The following CCNY variants were observed in gnomAD, a reference collection of about 807,000 sequenced individuals.
CCNY encodes the protein cyclin-Y.
Under a neutral mutation model 42.8 loss-of-function variants are expected in CCNY, and 19 were observed. The ratio of observed to expected loss-of-function variants is 0.44; its 90% CI spans 0.31 to 0.65. The LOEUF is 0.65. Ranked by LOEUF, CCNY falls within the 30% of genes least tolerant of loss-of-function variation. The pLI is 0.07. For missense variants in CCNY, 370 were observed against 437.3 expected (o/e 0.85, Z 1.37); for synonymous variants, 165 against 162.7 (o/e 1.01, Z -0.11).
At chr10:35,316,897 G>A (rs1835766613) in intron 3 of CCNY, among the ~76,000 whole-genome samples, 2 of 152,196 alleles carry the variant, frequency 1.3e-5, no homozygotes. Context: ...CCAGGCTGGA[G>A]TGCAGTGGTG....
chr10:35,477,774 GA>G (rs1209764411), intron 1 of CCNY, among the ~76,000 whole-genome samples: 2 of 152,150 alleles, frequency 1.3e-5, no homozygotes, highest in African/African-American at 2.4e-5. Context: ...CATAGTGTTG[GA>G]AGTTCTGGCC....
chr10:35,569,234 A>C lies in CCNY; in HGVS notation c.*64A>C. 9.8e-7 allele frequency: 1 copy of C among 1,015,520 alleles called. No homozygotes were observed. The highest frequency in any genetic ancestry group is 1.5e-6 in the Non-Finnish European group (1 of 648,994). The allele number at this position is 1,015,520 out of a possible 1,614,324, so 62.9% of individuals were successfully genotyped here. Reference sequence around the variant, plus strand: ...TCTCCTTTAGTTTGAGAAAAGACAGACTTGGGGTGGGTTTGTTTTTGTTTT... The same window carrying C: ...TCTCCTTTAGTTTGAGAAAAGACAGCCTTGGGGTGGGTTTGTTTTTGTTTT... On this transcript the variant is annotated 3_prime_UTR_variant, in exon 10 of 10. Transcript: ENST00000374704.
intron 1 of CCNY, among the ~76,000 whole-genome samples, chr10:35,383,366 GGC>G (rs1020574462): frequency 6.6e-6 from 1 of 151,700 alleles, no homozygotes; most frequent in African/African-American, 2.4e-5. Context: ...GGAGTGCAGT[GGC>G]ACAATCTCGG....
At chr10:35,300,966 G>C (rs886600776) in intron 3 of CCNY, among the ~76,000 whole-genome samples, 1 of 152,012 alleles carries the variant, frequency 6.6e-6, no homozygotes, top group African/African-American at 2.4e-5. Context: ...CACCATGCCT[G>C]GCTAATTTGT....
chr10:35,281,230 C>T (rs1835295896), intron 3 of CCNY, among the ~76,000 whole-genome samples: 1 of 152,142 alleles, frequency 6.6e-6, no homozygotes, highest in Non-Finnish European at 1.5e-5. Flanking sequence ...CCTAGGTATG[C>T]ACCCAAAAGA....
At chr10:35,498,124 T>C (rs983247649) in intron 2 of CCNY, among the ~76,000 whole-genome samples, 23 of 152,136 alleles carry the variant, frequency 1.5e-4, no homozygotes, top group Admixed American at 6.5e-4. Context: ...TATCCCCCCA[T>C]TCACAAATGA....
chr10:35,465,938 A>AGAGAGAGAGAGAGAGAGAGAGTGTGT lies in CCNY; in HGVS notation c.155-17465_155-17464insAGAGAGAGAGAGAGAGAGAGTGTGTG. 5.6e-3 allele frequency among the ~76,000 whole-genome samples: 450 copies of AGAGAGAGAGAGAGAGAGAGAGTGTGT among 80,642 alleles called. 3 individuals carry two copies. The highest frequency in any genetic ancestry group is 7.3e-3 in the Non-Finnish European group (276 of 37,582). The allele number at this position is 80,642 out of a possible 152,430, so 52.9% of individuals were successfully genotyped here. On this transcript the variant is annotated intron_variant, in intron 1 of 9. Transcript: ENST00000374704. ...GAGAGAGAGAGAGAGAGAGAGAGAG[A>AGAGAGAGAGAGAGAGAGAGAGTGTGT]GTGTGTGTGTGTGTGTGTGTGTCTG...
At chr10:35,478,662 G>A in intron 1 of CCNY, among the ~76,000 whole-genome samples, 1 of 152,316 alleles carries the variant, frequency 6.6e-6, no homozygotes, top group Admixed American at 6.5e-5. Context: ...AGACTTAAAT[G>A]TGAGATCTAA....
chr10:35,405,829 C>G (rs536965403), intron 1 of CCNY, among the ~76,000 whole-genome samples: 38 of 152,208 alleles, frequency 2.5e-4, no homozygotes, highest in African/African-American at 8.4e-4. Context: ...GAGCCTTGGG[C>G]CAGTTGGACA....
chr10:35,370,194 C>T (rs1265196763), intron 1 of CCNY, among the ~76,000 whole-genome samples: 3 of 151,954 alleles, frequency 2.0e-5, no homozygotes, highest in African/African-American at 7.3e-5. Context: ...CATTGTTGCC[C>T]AGGCTGGAGG....
At chr10:35,402,086 G>C (rs113124891) in intron 1 of CCNY, among the ~76,000 whole-genome samples, 2 of 152,078 alleles carry the variant, frequency 1.3e-5, no homozygotes, top group Non-Finnish European at 2.9e-5. Context: ...AAAAATTTTT[G>C]GGGGTGGTAT....
At chr10:35,391,234 T>C (rs1837406560) in intron 1 of CCNY, among the ~76,000 whole-genome samples, 1 of 152,192 alleles carries the variant, frequency 6.6e-6, no homozygotes, top group Non-Finnish European at 1.5e-5. Context: ...CCTACTGCTA[T>C]GTTGTTCCCC....
At chr10:35,256,544 C>A (rs1266351193) in intron 3 of CCNY, among the ~76,000 whole-genome samples, 1 of 151,944 alleles carries the variant, frequency 6.6e-6, no homozygotes, top group African/African-American at 2.4e-5. Flanking sequence ...CCAGCCTGGC[C>A]AGGATGGTGA....
intron 1 of CCNY, among the ~76,000 whole-genome samples, chr10:35,404,100 G>C (rs1379749391): frequency 8.2e-6 from 1 of 121,606 alleles, no homozygotes; most frequent in Non-Finnish European, 1.8e-5. Context: ...CAGAAAGTAT[G>C]TGTGTCAGAT....
intron 8 of CCNY, among the ~76,000 whole-genome samples, chr10:35,564,816 C>T (rs1387346476): frequency 6.6e-6 from 1 of 152,260 alleles, no homozygotes; most frequent in African/African-American, 2.4e-5. Context: ...TCAGCTCTCA[C>T]TGCTGTGGGA....
intron 4 of CCNY, among the ~76,000 whole-genome samples, chr10:35,518,767 C>A (rs190375622): frequency 3.1e-4 from 42 of 134,816 alleles, no homozygotes; most frequent in African/African-American, 1.3e-3. Flanking sequence ...TTTGTAACAG[C>A]TCTTGATTGA....
chr10:35,456,760 T>C (rs1428214374), intron 1 of CCNY, among the ~76,000 whole-genome samples: 1 of 152,186 alleles, frequency 6.6e-6, no homozygotes, highest in Non-Finnish European at 1.5e-5. Flanking sequence ...AAATACATTT[T>C]AGATTTTTTT....
intron 1 of CCNY, among the ~76,000 whole-genome samples, chr10:35,455,168 T>C (rs1377359667): frequency 2.6e-5 from 4 of 152,214 alleles, no homozygotes; most frequent in African/African-American, 9.6e-5. Flanking sequence ...CAAGTAGCAT[T>C]TCCTATTTTC....
chr10:35,355,871 T>C (rs1291140202), intron 1 of CCNY, among the ~76,000 whole-genome samples: 1 of 152,034 alleles, frequency 6.6e-6, no homozygotes, highest in African/African-American at 2.4e-5. Flanking sequence ...TTTAAAATGT[T>C]CTTATGCCAT....
Sources: allele counts gnomAD v4.1 joint callset (sites outside exome capture counted in the v4.1 genomes callset), GRCh38; gene constraint gnomAD v4.1.1; transcripts MANE v1.5; gene names NCBI Gene and HGNC (gene_info 2026-07-23, HGNC 2026-07-21).